The following EPHA6 variants were observed in gnomAD, a reference collection of about 807,000 sequenced individuals.
The protein encoded by EPHA6 is ephrin type-A receptor 6.
Under a neutral mutation model 112.0 loss-of-function variants are expected in EPHA6, and 50 were observed. The ratio of observed to expected loss-of-function variants is 0.45; its 90% CI spans 0.36 to 0.56. The LOEUF (loss-of-function observed/expected upper bound fraction) is 0.56. EPHA6 is among the 20% of genes least tolerant of loss of function. The pLI, the probability that EPHA6 is intolerant of heterozygous loss-of-function variation, is 0.00. For missense variants in EPHA6, 1,280 were observed against 1,417.4 expected, an observed-to-expected ratio of 0.90 and a Z score of 1.56; for synonymous variants, 529 against 490.7, an observed-to-expected ratio of 1.08 and a Z score of -1.03.
At chr3:97,596,882 A>ATATATATACATATATATATATATATG (rs1560174220) in intron 12 of EPHA6, among the ~76,000 whole-genome samples, 7 of 123,834 alleles carry the variant, frequency 5.7e-5, no homozygotes, top group African/African-American at 2.1e-4. Flanking sequence ...TGGAATATAT[A>ATATATATACATATATATATATATATG]TATATATATA....
intron 10 of EPHA6, among the ~76,000 whole-genome samples, chr3:97,526,522 G>C (rs1165945770): frequency 2.6e-5 from 4 of 152,162 alleles, no homozygotes; most frequent in Non-Finnish European, 5.9e-5. Context: ...ATGTGGTCAG[G>C]ATTGCTCATA....
intron 3 of EPHA6, among the ~76,000 whole-genome samples, chr3:97,146,426 C>G (rs1428427000): frequency 6.6e-6 from 1 of 151,730 alleles, no homozygotes; most frequent in African/African-American, 2.4e-5. Flanking sequence ...AAACCATATC[C>G]CTAGCATCTC....
chr3:97,323,126 G>A lies in EPHA6; in HGVS notation c.1606+78839G>A, dbSNP rs893010445. 1.4e-4 allele frequency among the ~76,000 whole-genome samples: 21 copies of A among 151,824 alleles called. 1 individual carries two copies. Among genetic ancestry groups the A allele is most frequent in the African/African-American group, 5.1e-4 (21 of 41,300 alleles). ...CCACATGTCATTATACATTTTCTAA[G>A]CATTTAATCATGCTACTGAGAATGT... is the stretch of plus-strand genomic sequence containing the variant. On this transcript the variant is annotated intron_variant, in intron 5 of 17. Transcript: ENST00000389672.
chr3:97,385,323 T>G (rs944068475), intron 5 of EPHA6, among the ~76,000 whole-genome samples: 1 of 152,204 alleles, frequency 6.6e-6, no homozygotes, highest in South Asian at 2.1e-4. Context: ...TATGAACCCA[T>G]AGACCTTCTT....
intron 14 of EPHA6, chr3:97,648,197 T>C: frequency 1.7e-6 from 1 of 604,722 alleles, no homozygotes; most frequent in Non-Finnish European, 2.9e-6. Context: ...AATACTTTGT[T>C]GAAATACAGA....
intron 6 of EPHA6, among the ~76,000 whole-genome samples, chr3:97,438,375 G>A (rs1293572878): frequency 1.3e-5 from 2 of 152,118 alleles, no homozygotes; most frequent in African/African-American, 2.4e-5. Context: ...AAGAAAACAA[G>A]TATGCTATAC....
intron 1 of EPHA6, among the ~76,000 whole-genome samples, chr3:96,850,053 T>C (rs2035291299): frequency 6.6e-6 from 1 of 152,140 alleles, no homozygotes; most frequent in South Asian, 2.1e-4. Flanking sequence ...ACTGTTCCTG[T>C]ATAGCTCATA....
At chr3:97,683,260 A>G (rs1168296269) in intron 14 of EPHA6, among the ~76,000 whole-genome samples, 1 of 152,136 alleles carries the variant, frequency 6.6e-6, no homozygotes, top group Non-Finnish European at 1.5e-5. Context: ...GTGATATTTT[A>G]GTTTCCTGAC....
At chr3:97,131,830 C>G (rs929604167) in intron 3 of EPHA6, among the ~76,000 whole-genome samples, 5 of 152,066 alleles carry the variant, frequency 3.3e-5, no homozygotes, top group Non-Finnish European at 7.4e-5. Context: ...GATGTCTATA[C>G]GTTATTATAC....
In EPHA6 at chr3:97,641,852, G is replaced by C. The variant is rs574916868; in HGVS notation, c.2784+3770G>C. On this transcript the variant is annotated intron_variant, in intron 14 of 17. Coordinates refer to ENST00000389672, the MANE Select transcript of EPHA6 (RefSeq NM_001080448.3). ...TGAGATCAAACTGCAAGGCGGCAGC[G>C]AGGCTGGGGGAGGGGCGCCCGCCAT... is the stretch of plus-strand genomic sequence containing the variant. Among the ~76,000 whole-genome samples the C allele has an allele frequency of 1.0e-3, 154 of 151,952 alleles. 3 individuals carry two copies. The highest frequency in any genetic ancestry group is 4.6e-4 in the Admixed American group (7 of 15,280).
intron 1 of EPHA6, among the ~76,000 whole-genome samples, chr3:96,841,671 A>G (rs2034757360): frequency 6.6e-6 from 1 of 152,078 alleles, no homozygotes; most frequent in African/African-American, 2.4e-5. Context: ...TAACGGAGAT[A>G]CAGTTTGAGA....
At chr3:97,282,884 G>A (rs1001288630) in intron 5 of EPHA6, among the ~76,000 whole-genome samples, 3 of 152,146 alleles carry the variant, frequency 2.0e-5, no homozygotes, top group Non-Finnish European at 4.4e-5. Context: ...AATGCATGCA[G>A]GGCTTAATAT....
At chr3:97,076,005 G>T (rs1271149538) in intron 3 of EPHA6, among the ~76,000 whole-genome samples, 1 of 151,758 alleles carries the variant, frequency 6.6e-6, no homozygotes, top group Non-Finnish European at 1.5e-5. Context: ...CTGTCCTTGG[G>T]GCTGCCTATT....
At chr3:96,834,292 A>G (rs1486037150) in intron 1 of EPHA6, among the ~76,000 whole-genome samples, 4 of 152,054 alleles carry the variant, frequency 2.6e-5, no homozygotes, top group African/African-American at 9.6e-5. Context: ...ATAATGGGGA[A>G]TCTGCATGGT....
intron 11 of EPHA6, among the ~76,000 whole-genome samples, chr3:97,572,884 A>G (rs1055679037): frequency 1.3e-4 from 20 of 152,222 alleles, no homozygotes; most frequent in African/African-American, 4.8e-4. Flanking sequence ...CAGAAATATT[A>G]AGTAACTTAT....
rs547648696 is a variant in EPHA6 at position 97,643,013 on chromosome 3, A to G, written c.2784+4931A>G. On this transcript the variant is annotated intron_variant, in intron 14 of 17. Coordinates refer to ENST00000389672, the MANE Select transcript of EPHA6 (RefSeq NM_001080448.3). ...GTCAGATTCACCAAAGTTGAAATGA[A>G]GGAAAAAATGTTAAGGGCAGCCAGA... 5.1e-3 allele frequency among the ~76,000 whole-genome samples: 782 copies of G among 152,034 alleles called. 8 individuals are homozygous for G. The highest frequency in any genetic ancestry group is 0.018 in the African/African-American group (733 of 41,450).
rs1433881257 is a variant in EPHA6 at position 97,646,228 on chromosome 3, T to C, written c.2784+8146T>C. On this transcript the variant is annotated intron_variant, in intron 14 of 17. Coordinates refer to ENST00000389672, the MANE Select transcript of EPHA6 (RefSeq NM_001080448.3). ...TCTGGTTATGGTACTGGACTGGTCC[T>C]CATGTGGAAGAGAAACAGAAGGGCC... 3 of 1,535,532 alleles carry C rather than the reference T, an allele frequency of 2.0e-6. No homozygotes were observed. In the African/African-American group the frequency reaches 4.1e-5, roughly 21 times the overall value.
intron 10 of EPHA6, among the ~76,000 whole-genome samples, chr3:97,519,075 C>T (rs963038672): frequency 2.6e-5 from 4 of 152,020 alleles, no homozygotes; most frequent in African/African-American, 9.7e-5. Flanking sequence ...TTGCATAGCC[C>T]GGGATCCTGA....
At chr3:97,655,192 G>A (rs2094130939) in intron 14 of EPHA6, among the ~76,000 whole-genome samples, 1 of 150,472 alleles carries the variant, frequency 6.6e-6, no homozygotes, top group South Asian at 2.1e-4. Flanking sequence ...CTCTAGATGA[G>A]GAAATTGAGG....
Sources: gnomAD v4.1 joint callset for allele counts (sites outside exome capture counted in the v4.1 genomes callset) on GRCh38, gnomAD v4.1.1 for gene constraint, MANE v1.5 for transcripts, NCBI Gene and HGNC (gene_info 2026-07-23, HGNC 2026-07-21) for gene names.